CFAP92: variants seen among roughly 807,000 people sequenced by gnomAD.
CFAP92 encodes uncharacterized protein CFAP92.
Under a neutral mutation model 106.3 loss-of-function variants are expected in CFAP92, and 86 were observed. The ratio of observed to expected loss-of-function variants is 0.81; its 90% confidence interval spans 0.68 to 0.97. The LOEUF (loss-of-function observed/expected upper bound fraction) is 0.97, where lower values mean the gene tolerates loss of function less well. Ranked by LOEUF, CFAP92 falls within the 50% of genes least tolerant of loss-of-function variation. The probability of loss-of-function intolerance (pLI) is 0.00; values close to 1 mark genes in which losing one functional copy is unlikely to be tolerated. For synonymous variants in CFAP92, 477 were observed against 506.4 expected, an observed-to-expected ratio of 0.94 and a Z score of 0.78; for missense variants, 1,204 against 1,283.8, an observed-to-expected ratio of 0.94 and a Z score of 0.95.
the CFAP92 span, among the ~76,000 whole-genome samples, chr3:129,025,526 T>C: frequency 3.9e-5 from 6 of 152,182 alleles, no homozygotes; most frequent in Non-Finnish European, 1.5e-5. Context: ...GCATGTGTAG[T>C]AGGCACAGTG....
At chr3:128,918,757 A>T (rs187120297) in intron 12 of CFAP92, among the ~76,000 whole-genome samples, 2 of 152,184 alleles carry the variant, frequency 1.3e-5, no homozygotes, top group Admixed American at 1.3e-4. Context: ...ATGCCTAACC[A>T]TATGGTCTTC....
chr3:128,924,546 G>GTGAT (rs1364687223), intron 12 of CFAP92, among the ~76,000 whole-genome samples: 1 of 137,712 alleles, frequency 7.3e-6, no homozygotes, highest in African/African-American at 2.7e-5. Context: ...CTGGGTTCAT[G>GTGAT]TGATTCTCCT....
At chr3:128,950,053 G>GA (rs1454672368) in intron 9 of CFAP92, among the ~76,000 whole-genome samples, 1 of 151,562 alleles carries the variant, frequency 6.6e-6, no homozygotes, top group Non-Finnish European at 1.5e-5. Context: ...TTTTACTGTA[G>GA]AAAAATTTGT....
intron 15 of CFAP92, 130 bp downstream of exon 15, chr3:128,914,989 C>G (rs1559843987): frequency 5.5e-6 from 5 of 904,704 alleles, no homozygotes; most frequent in Non-Finnish European, 4.9e-6. Context: ...CTGCATCTTG[C>G]TTTTCTTAGC....
At chr3:128,993,400 C>T (rs1944342970) in intron 1 of CFAP92, 64 bp from the exon 2 acceptor site, 2 of 1,480,468 alleles carry the variant, frequency 1.4e-6, no homozygotes, top group Non-Finnish European at 9.0e-7. Context: ...GAGGTAAGCC[C>T]GGCCTCCTGC....
intron 12 of CFAP92, among the ~76,000 whole-genome samples, chr3:128,924,755 C>A (rs1230217392): frequency 1.3e-5 from 2 of 152,144 alleles, no homozygotes; most frequent in Non-Finnish European, 2.9e-5. Context: ...CCGATTGTAT[C>A]TTAAACTAGA....
chr3:128,931,382 T>C (rs1938343442), intron 12 of CFAP92, among the ~76,000 whole-genome samples: 1 of 152,044 alleles, frequency 6.6e-6, no homozygotes, highest in Admixed American at 6.6e-5. Flanking sequence ...CCCAGGCTGG[T>C]CTCGAACTCC....
At chr3:128,978,230 A>C in intron 4 of CFAP92, 45 bp from the exon 5 acceptor site, 1 of 1,588,022 alleles carries the variant, frequency 6.3e-7, no homozygotes, top group Non-Finnish European at 8.6e-7. Context: ...ATCAATCCAA[A>C]ATATTTATTG....
At chr3:128,956,207 T>TAAAAAAAAAAAAAAA (rs1256391409) in intron 9 of CFAP92, among the ~76,000 whole-genome samples, 4 of 53,194 alleles carry the variant, frequency 7.5e-5, no homozygotes, top group South Asian at 5.6e-4. Flanking sequence ...AAAAAAAAAA[T>TAAAAAAAAAAAAAAA]AAAAAAATAA....
intron 7 of CFAP92, among the ~76,000 whole-genome samples, chr3:128,974,056 GGAGTT>G (rs1942991223): frequency 6.6e-6 from 1 of 152,202 alleles, no homozygotes; most frequent in African/African-American, 2.4e-5. Context: ...ACAAAAGTCA[GGAGTT>G]GAGAGGCATT....
At chr3:128,994,130 G>C (rs1434590083), upstream of CFAP92, 6 of 985,684 alleles carry the variant, frequency 6.1e-6, no homozygotes, top group Non-Finnish European at 7.2e-6. Context: ...ACTCAGCTAC[G>C]TTTGGCGGTT....
chr3:128,975,068 C>T (rs1943059965), intron 7 of CFAP92, among the ~76,000 whole-genome samples: 1 of 151,860 alleles, frequency 6.6e-6, no homozygotes. Flanking sequence ...TGCAGTGAGC[C>T]GAGACTGCAC....
chr3:129,021,030 GA>G, the CFAP92 span, among the ~76,000 whole-genome samples: 2 of 152,208 alleles, frequency 1.3e-5, no homozygotes, highest in African/African-American at 4.8e-5. Flanking sequence ...TCTCCCCCAG[GA>G]CTTTCTGGAA....
chr3:128,971,534 A>T, intron 7 of CFAP92, 101 bp from the exon 8 acceptor site: 1 of 973,912 alleles, frequency 1.0e-6, no homozygotes, highest in South Asian at 1.8e-5. Context: ...AGGTTCTGGA[A>T]GCTCCTAGAA....
At chr3:128,984,856 G>A (rs1943753048) in intron 4 of CFAP92, among the ~76,000 whole-genome samples, 1 of 152,122 alleles carries the variant, frequency 6.6e-6, no homozygotes, top group African/African-American at 2.4e-5. Context: ...TTCATAACAT[G>A]AGGCAGAACT....
intron 4 of CFAP92, among the ~76,000 whole-genome samples, chr3:128,984,633 G>A (rs572922841): frequency 1.3e-4 from 20 of 152,114 alleles, no homozygotes; most frequent in Non-Finnish European, 2.2e-4. Context: ...GCTTGCAGAC[G>A]GCCTATTGTG....
intron 8 of CFAP92, chr3:128,969,434 T>C (rs1942616353): frequency 6.6e-6 from 1 of 152,150 alleles, no homozygotes; most frequent in Non-Finnish European, 1.5e-5. Context: ...TAGCCTGGCA[T>C]GGTGGCATGC....
At chr3:128,956,977 C>CAAAAAA (rs766884799) in intron 9 of CFAP92, among the ~76,000 whole-genome samples, 1,869 of 28,422 alleles carry the variant, frequency 0.066, 145 homozygotes, top group African/African-American at 0.11. Flanking sequence ...CAGACTCTCT[C>CAAAAAA]AAAAAAAAAA....
chr3:128,916,130 C>T lies in CFAP92; in HGVS notation c.2893G>A (p.Glu965Lys). The T allele has an allele frequency of 8.1e-7, 1 of 1,232,222 alleles. No homozygotes were observed. 76.3% of individuals were successfully genotyped at this position (1,232,222 alleles called of 1,614,324 possible). A position where few individuals can be genotyped will look rare whatever the true frequency, so the allele number is the denominator to read the frequency against. The stretch of plus-strand genomic sequence containing the variant: ...ACCTTGGCTATCTCTTGATACAGCT[C>T]CTTCTTGGCAAGCTCTGTAGAATTC... ...TMNSTELAKK[E>K]LYQEIAKEPR... The change falls in exon 13 of 16, where the codon GAG becomes AAG. Residue 965 changes from glutamate (E) to lysine (K), a missense_variant. Transcript: ENST00000645291.
Sources: gnomAD v4.1 joint callset for allele counts (sites outside exome capture counted in the v4.1 genomes callset) on GRCh38, gnomAD v4.1.1 for gene constraint, MANE v1.5 for transcripts, NCBI Gene and HGNC (gene_info 2026-07-23, HGNC 2026-07-21) for gene names.